Variants in DDC observed in about 807,000 individuals in gnomAD.
DDC encodes the protein dopa decarboxylase, also known as aromatic-L-amino-acid decarboxylase.
Under a neutral mutation model 60.0 loss-of-function variants are expected in DDC, and 43 were observed. The observed-to-expected ratio is 0.72, with a 90% CI of 0.56 to 0.92. The LOEUF (loss-of-function observed/expected upper bound fraction) is 0.92. Among genes scored for constraint, DDC ranks in the 40% least tolerant of loss-of-function variants. DDC has a pLI of 0.00. For missense variants in DDC, 573 were observed against 620.2 expected, an observed-to-expected ratio of 0.92 and a Z score of 0.81; for synonymous variants, 232 against 234.6, an observed-to-expected ratio of 0.99 and a Z score of 0.10.
At position 50,537,876 on chromosome 7, in the gene DDC, C is replaced by G; in HGVS notation, c.419G>C (p.Gly140Ala). The change falls in exon 4 of 15, where the codon GGG (glycine) becomes GCG (alanine). Residue 140 changes from glycine (G) to alanine (A), a missense_variant. Physicochemically the swap from Gly to Ala is moderately conservative, Grantham distance 60. Coordinates refer to ENST00000444124, the MANE Select transcript of DDC (RefSeq NM_001082971.2). Reference protein sequence around the residue: ...KAFLNEKAGEGGGVIQGSASE... With the variant: ...KAFLNEKAGEAGGVIQGSASE... ...CCACCTTACCTGGATCACTCCTCCC[C>G]CTTCTCCAGCTTTCTCATTCAAAAA... The G allele has an allele frequency of 2.5e-6, 4 of 1,614,210 alleles. No homozygotes were observed. Among genetic ancestry groups the G allele is most frequent in the Non-Finnish European group, 3.4e-6 (4 of 1,180,052 alleles).
At chr7:50,508,691 A>G (rs2043467332) in intron 6 of DDC, among the ~76,000 whole-genome samples, 2 of 152,192 alleles carry the variant, frequency 1.3e-5, no homozygotes, top group Admixed American at 6.5e-5. Flanking sequence ...TTGAGAATAT[A>G]ATGAAGACCA....
rs2153541445 is a variant in DDC, at chr7:50,508,563, A to G, written c.715-4504T>C. On this transcript the variant is annotated intron_variant, in intron 6 of 14. Transcript: ENST00000444124. ...CTGAGAAACAAGGGGAAACTTTATT[A>G]CAAGCCCCAAGCCTGTTCATGGAAG... Among the ~76,000 whole-genome samples the G allele has an allele frequency of 1.3e-5, 2 of 152,290 alleles. 1 individual carries two copies. The highest frequency in any genetic ancestry group is 4.1e-4 in the South Asian group (2 of 4,828).
At chr7:50,508,484 T>A (rs1490754891) in intron 6 of DDC, among the ~76,000 whole-genome samples, 1 of 152,188 alleles carries the variant, frequency 6.6e-6, no homozygotes, top group Non-Finnish European at 1.5e-5. Context: ...CTCGCAGGCA[T>A]CGCCCTCTGT....
chr7:50,506,670 A>T (rs887866698), intron 6 of DDC, among the ~76,000 whole-genome samples: 26 of 152,376 alleles, frequency 1.7e-4, no homozygotes, highest in Admixed American at 4.6e-4. Flanking sequence ...TAAACCATGT[A>T]TGTGGGGCAC....
intron 6 of DDC, among the ~76,000 whole-genome samples, chr7:50,506,606 G>A (rs2043404960): frequency 6.6e-6 from 1 of 152,228 alleles, no homozygotes; most frequent in Admixed American, 6.5e-5. Flanking sequence ...AGACCCAAAG[G>A]TGTCACAGCA....
intron 9 of DDC, among the ~76,000 whole-genome samples, chr7:50,488,283 T>C (rs1035585450): frequency 6.6e-6 from 1 of 151,552 alleles, no homozygotes; most frequent in East Asian, 1.9e-4. Context: ...TAAAAAAAAA[T>C]ATAGGAAAAT....
chr7:50,464,715 G>A (rs2042357142), intron 13 of DDC, among the ~76,000 whole-genome samples: 1 of 152,212 alleles, frequency 6.6e-6, no homozygotes, highest in East Asian at 1.9e-4. Flanking sequence ...GCACACAGAT[G>A]GAGACCAAGC....
chr7:50,498,452 G>A (rs534351493), intron 8 of DDC, among the ~76,000 whole-genome samples: 1 of 152,292 alleles, frequency 6.6e-6, no homozygotes, highest in Non-Finnish European at 1.5e-5. Context: ...TGAGTTCTTG[G>A]GGAGAAGAGA....
chr7:50,512,974 T>C (rs80052553), intron 6 of DDC, among the ~76,000 whole-genome samples: 13,536 of 152,184 alleles, frequency 0.089, 959 homozygotes, highest in South Asian at 0.14. Flanking sequence ...TCATGGCATA[T>C]GGGAGGCAGG....
At position 50,482,604 on chromosome 7, in the gene DDC, G is replaced by A. The variant is rs541554937; in HGVS notation, c.945-2741C>T. Among the ~76,000 whole-genome samples, 5 of 152,006 alleles carry A rather than the reference G, an allele frequency of 3.3e-5. No homozygotes were observed. The South Asian group carries it at 1.0e-3, about 32-fold the overall frequency. ...TTCACAATTATCTTGGCTATTCTTG[G>A]CCCATATAAATATTATGCCAGGATA... is the stretch of plus-strand genomic sequence containing the variant. On this transcript the variant is annotated intron_variant, in intron 9 of 14. Coordinates refer to ENST00000444124, the MANE Select transcript of DDC (RefSeq NM_001082971.2).
intron 2 of DDC, 150 bp downstream of exon 2, chr7:50,543,735 T>C: frequency 1.3e-6 from 1 of 782,308 alleles, no homozygotes; most frequent in Non-Finnish European, 2.2e-6. Context: ...AGCCTCAGTT[T>C]CCTCAGTTGT....
chr7:50,544,176 C>A, intron 1 of DDC, 63 bp from the exon 2 acceptor site: 1 of 1,295,762 alleles, frequency 7.7e-7, no homozygotes, highest in East Asian at 2.3e-5. Flanking sequence ...GGCGGGGATA[C>A]CAAGCAAGCC....
At chr7:50,562,162 A>G (rs1053402460) in intron 1 of DDC, among the ~76,000 whole-genome samples, 1 of 152,238 alleles carries the variant, frequency 6.6e-6, no homozygotes, top group African/African-American at 2.4e-5. Flanking sequence ...GAACTGGGAC[A>G]GAGGCAGCGG....
intron 1 of DDC, among the ~76,000 whole-genome samples, chr7:50,548,270 T>C (rs563809729): frequency 3.3e-5 from 5 of 152,312 alleles, no homozygotes; most frequent in Admixed American, 6.5e-5. Context: ...GAGTAGGTAG[T>C]ATGTCTCTCA....
chr7:50,538,880 C>T (rs542567893), intron 3 of DDC, among the ~76,000 whole-genome samples: 146 of 151,258 alleles, frequency 9.7e-4, no homozygotes, highest in African/African-American at 3.4e-3. Context: ...CAGCCCTGCC[C>T]AGCAGAGAGG....
intron 8 of DDC, 57 bp downstream of exon 8, chr7:50,499,091 A>G (rs2043187860): frequency 3.9e-6 from 5 of 1,285,426 alleles, no homozygotes; most frequent in Non-Finnish European, 5.7e-6. Flanking sequence ...ATGAAGGGAG[A>G]GGTCAATAAC....
intron 9 of DDC, among the ~76,000 whole-genome samples, chr7:50,482,134 CATCT>C (rs2042782560): frequency 6.6e-6 from 1 of 152,192 alleles, no homozygotes; most frequent in African/African-American, 2.4e-5. Flanking sequence ...TGGAGGAAAG[CATCT>C]ATCTACGGCC....
At chr7:50,521,644 G>T (rs2043893243) in intron 6 of DDC, among the ~76,000 whole-genome samples, 1 of 152,126 alleles carries the variant, frequency 6.6e-6, no homozygotes, top group Admixed American at 6.5e-5. Flanking sequence ...ATTTCAACAG[G>T]CTGAAGGACA....
intron 7 of DDC, among the ~76,000 whole-genome samples, chr7:50,501,980 A>C (rs1050689916): frequency 1.3e-5 from 2 of 152,190 alleles, no homozygotes; most frequent in Non-Finnish European, 2.9e-5. Flanking sequence ...AAGCTGAGGC[A>C]GGAGAATCAC....
Sources: allele counts gnomAD v4.1 joint callset (sites outside exome capture counted in the v4.1 genomes callset), GRCh38; gene constraint gnomAD v4.1.1; transcripts MANE v1.5; gene names NCBI Gene and HGNC (gene_info 2026-07-23, HGNC 2026-07-21).